Variants in RBFOX1 observed in about 807,000 individuals in gnomAD.
The protein encoded by RBFOX1 is RNA binding protein fox-1 homolog 1.
In RBFOX1, 8 loss-of-function variants were observed where a neutral mutation model predicts 57.7. The ratio of observed to expected loss-of-function variants is 0.14; its 90% CI spans 0.08 to 0.25. RBFOX1 has a LOEUF of 0.25. Among genes scored for constraint, RBFOX1 ranks in the 10% least tolerant of loss-of-function variants. RBFOX1 has a pLI of 1.00. For synonymous variants in RBFOX1, 326 were observed against 222.4 expected (o/e 1.47, Z -4.15); for missense variants, 611 against 548.5 (o/e 1.11, Z -1.14).
At chr16:7,097,362 C>T (rs1474777893) in intron 4 of RBFOX1, among the ~76,000 whole-genome samples, 2 of 151,994 alleles carry the variant, frequency 1.3e-5, no homozygotes, top group African/African-American at 4.8e-5. Context: ...GGAATCAGAG[C>T]CTGGTAGATT....
At chr16:6,132,439 G>A (rs1352016005) in intron 1 of RBFOX1, among the ~76,000 whole-genome samples, 1 of 152,190 alleles carries the variant, frequency 6.6e-6, no homozygotes, top group African/African-American at 2.4e-5. Flanking sequence ...GAATTCCTGA[G>A]CTAGTTTTAC....
chr16:7,330,388 GTTTTT>G (rs71391623), intron 4 of RBFOX1, among the ~76,000 whole-genome samples: 2 of 88,120 alleles, frequency 2.3e-5, no homozygotes, highest in Non-Finnish European at 4.2e-5. Context: ...AGGTGCAGAG[GTTTTT>G]TTTTTTTTTT....
At chr16:7,032,826 A>G (rs1374878774) in intron 3 of RBFOX1, among the ~76,000 whole-genome samples, 1 of 152,156 alleles carries the variant, frequency 6.6e-6, no homozygotes, top group Non-Finnish European at 1.5e-5. Flanking sequence ...TGGTGTCTCC[A>G]GGCTCATGGC....
intron 3 of RBFOX1, among the ~76,000 whole-genome samples, chr16:6,853,925 G>A (rs2057320954): frequency 6.6e-6 from 1 of 152,106 alleles, no homozygotes; most frequent in Non-Finnish European, 1.5e-5. Context: ...GCTCTTCCTG[G>A]GTAGTAGCCT....
chr16:6,551,831 C>T (rs1435773555), intron 2 of RBFOX1, among the ~76,000 whole-genome samples: 1 of 152,218 alleles, frequency 6.6e-6, no homozygotes, highest in African/African-American at 2.4e-5. Flanking sequence ...ATCTCACATT[C>T]TGCCAAGGTG....
intron 4 of RBFOX1, among the ~76,000 whole-genome samples, chr16:7,207,749 G>T (rs1030875861): frequency 3.3e-5 from 5 of 152,222 alleles, no homozygotes; most frequent in African/African-American, 9.6e-5. Context: ...AACACAGCCA[G>T]GGTTAATTTG....
chr16:7,155,738 T>TGC (rs2076975394), intron 4 of RBFOX1, among the ~76,000 whole-genome samples: 1 of 75,528 alleles, frequency 1.3e-5, no homozygotes, highest in Non-Finnish European at 2.2e-5. Context: ...TATATATATA[T>TGC]ACACACACAC....
At chr16:7,388,029 C>CT (rs199903083) in intron 4 of RBFOX1, among the ~76,000 whole-genome samples, 6 of 149,508 alleles carry the variant, frequency 4.0e-5, no homozygotes, top group South Asian at 2.2e-4. Context: ...ACAAAATATC[C>CT]TTTTTTTTGT....
rs568295338 is a variant in RBFOX1 at position 6,752,359 on chromosome 16, A to G, written c.-16+97709A>G. Among the ~76,000 whole-genome samples the G allele has an allele frequency of 1.4e-4, 21 of 152,348 alleles. No homozygotes were observed. The South Asian group carries it at 3.9e-3, about 29-fold the overall frequency. On this transcript the variant is annotated intron_variant, in intron 3 of 15. Transcript: ENST00000550418. ...ATACAATGATCTCAGTCTAATTAATATGCTGTGTCCATATGAGTAAAGTAG... is the reference window on the plus strand; with the variant it reads ...ATACAATGATCTCAGTCTAATTAATGTGCTGTGTCCATATGAGTAAAGTAG...
At chr16:5,302,486 G>T (rs554613433) in intron 1 of RBFOX1, among the ~76,000 whole-genome samples, 22 of 152,216 alleles carry the variant, frequency 1.4e-4, no homozygotes, top group African/African-American at 5.3e-4. Context: ...TTTAATATAT[G>T]CCTACTAATT....
In RBFOX1 at chr16:5,361,371, G is replaced by A. The variant is rs145297172; in HGVS notation, c.220-105845G>A. Among the ~76,000 whole-genome samples, 508 of 152,290 alleles carry A rather than the reference G, an allele frequency of 3.3e-3. 4 individuals carry two copies. Among genetic ancestry groups the A allele is most frequent in the Middle Eastern group, 0.01 (3 of 294 alleles). On this transcript the variant is annotated intron_variant, in intron 1 of 2. Coordinates refer to the RBFOX1 transcript ENST00000585867. ...AGTTACCCAGAGGTCTAGGTTATAA[G>A]AAGTGCTAAAACAGCACCGGAGATA...
At chr16:7,492,788 C>G (rs937572242) in intron 4 of RBFOX1, among the ~76,000 whole-genome samples, 9 of 152,148 alleles carry the variant, frequency 5.9e-5, no homozygotes, top group African/African-American at 1.7e-4. Context: ...TGCCCCGACT[C>G]TCACCATGTG....
chr16:7,321,163 G>A (rs184270971), intron 4 of RBFOX1, among the ~76,000 whole-genome samples: 50 of 122,752 alleles, frequency 4.1e-4, no homozygotes, highest in African/African-American at 1.1e-3. Context: ...TTGAGACGGC[G>A]AGATGGTGTT....
chr16:6,272,941 A>C (rs2152679164), intron 1 of RBFOX1, among the ~76,000 whole-genome samples: 1 of 152,306 alleles, frequency 6.6e-6, no homozygotes, highest in Admixed American at 6.5e-5. Context: ...TTTGATATAA[A>C]ACATAAAACT....
chr16:5,729,938 G>C (rs1383330177), intron 3 of RBFOX1, among the ~76,000 whole-genome samples: 4 of 152,198 alleles, frequency 2.6e-5, no homozygotes, highest in African/African-American at 9.6e-5. Flanking sequence ...GCTGCAGAAA[G>C]CTAGTGGGTG....
chr16:6,979,356 A>C (rs1282411366), intron 3 of RBFOX1, among the ~76,000 whole-genome samples: 2 of 147,404 alleles, frequency 1.4e-5, no homozygotes, highest in Non-Finnish European at 3.0e-5. Flanking sequence ...CAGTGTAATT[A>C]TGAAAACATT....
At chr16:6,024,121 C>T (rs1009407380) in intron 1 of RBFOX1, among the ~76,000 whole-genome samples, 1 of 152,098 alleles carries the variant, frequency 6.6e-6, no homozygotes, top group Non-Finnish European at 1.5e-5. Flanking sequence ...TGTCATTGTT[C>T]GCTAGTCAAA....
chr16:6,474,290 C>A (rs1256595124), intron 2 of RBFOX1, among the ~76,000 whole-genome samples: 1 of 152,152 alleles, frequency 6.6e-6, no homozygotes, highest in Non-Finnish European at 1.5e-5. Flanking sequence ...CCAGAGCGGA[C>A]GTGACATCTG....
intron 5 of RBFOX1, among the ~76,000 whole-genome samples, chr16:7,565,584 A>G (rs2091480879): frequency 6.6e-6 from 1 of 152,206 alleles, no homozygotes; most frequent in South Asian, 2.1e-4. Flanking sequence ...AGTCTGCAAG[A>G]AGAGACAGAG....
Sources: allele counts gnomAD v4.1 joint callset (sites outside exome capture counted in the v4.1 genomes callset), GRCh38; gene constraint gnomAD v4.1.1; transcripts MANE v1.5; gene names NCBI Gene and HGNC (gene_info 2026-07-23, HGNC 2026-07-21).